Variants in SLC25A26 observed in about 807,000 individuals in gnomAD.
The protein encoded by SLC25A26 is solute carrier family 25 member 26.
SLC25A26 carries 36 observed loss-of-function variants against 37.8 expected under a neutral mutation model. That is an observed-to-expected ratio of 0.95 (90% CI 0.73 to 1.26). SLC25A26 has a LOEUF of 1.26. Ranked by LOEUF, SLC25A26 falls within the 50% of genes most tolerant of loss-of-function variation. The pLI is 0.00. For synonymous variants in SLC25A26, 129 were observed against 122.5 expected (o/e 1.05, Z -0.35); for missense variants, 390 against 331.1 (o/e 1.18, Z -1.38).
chr3:66,192,439 G>A (rs1480855322), intron 1 of SLC25A26, among the ~76,000 whole-genome samples: 15 of 152,012 alleles, frequency 9.9e-5, no homozygotes, highest in Admixed American at 5.9e-4. Context: ...CTCCAGATAC[G>A]GGATCTGCTG....
chr3:66,259,031 C>G (rs1005347933), intron 3 of SLC25A26, among the ~76,000 whole-genome samples: 2 of 152,108 alleles, frequency 1.3e-5, no homozygotes, highest in Non-Finnish European at 2.9e-5. Flanking sequence ...GACCCCTGGA[C>G]GGGAGTGTTT....
chr3:66,156,952 G>A (rs1232971226), intron 1 of SLC25A26, among the ~76,000 whole-genome samples: 2 of 152,092 alleles, frequency 1.3e-5, no homozygotes, highest in African/African-American at 4.8e-5. Context: ...ACAACAACTG[G>A]CCGGGCATGG....
chr3:66,224,262 A>G (rs1298391345), intron 1 of SLC25A26, among the ~76,000 whole-genome samples: 1 of 152,234 alleles, frequency 6.6e-6, no homozygotes, highest in Non-Finnish European at 1.5e-5. Context: ...CTGCTAACAA[A>G]GATACCTGAG....
intron 1 of SLC25A26, among the ~76,000 whole-genome samples, chr3:66,174,743 G>A (rs1278130301): frequency 1.3e-5 from 2 of 149,896 alleles, no homozygotes; most frequent in African/African-American, 4.9e-5. Flanking sequence ...CCGAGATCGC[G>A]CCACTGCACT....
At chr3:66,144,233 A>T (rs1296704737) in intron 1 of SLC25A26, among the ~76,000 whole-genome samples, 1 of 152,178 alleles carries the variant, frequency 6.6e-6, no homozygotes, top group Non-Finnish European at 1.5e-5. Flanking sequence ...CAAGACTGCA[A>T]GCCTGCAAGT....
intron 2 of SLC25A26, among the ~76,000 whole-genome samples, chr3:66,240,564 A>G (rs547745101): frequency 2.0e-5 from 3 of 152,288 alleles, no homozygotes; most frequent in East Asian, 3.9e-4. Context: ...GATGTGGGCC[A>G]CTGTGCCTGG....
At chr3:66,318,290 A>G (rs2075595583) in intron 5 of SLC25A26, among the ~76,000 whole-genome samples, 1 of 152,124 alleles carries the variant, frequency 6.6e-6, no homozygotes, top group Non-Finnish European at 1.5e-5. Context: ...CTTAGGACCC[A>G]AGGCCCTGGA....
intron 5 of SLC25A26, among the ~76,000 whole-genome samples, chr3:66,271,366 C>G (rs1187285503): frequency 2.0e-5 from 3 of 152,114 alleles, no homozygotes; most frequent in Non-Finnish European, 2.9e-5. Flanking sequence ...AGAATCCAGT[C>G]TCTTTCATTT....
At chr3:66,295,429 A>G (rs7635339) in intron 5 of SLC25A26, among the ~76,000 whole-genome samples, 1,413 of 118,546 alleles carry the variant, frequency 0.012, 33 homozygotes, top group African/African-American at 0.044. Context: ...TTTGAGATGG[A>G]GTCTCGCTCT....
chr3:66,362,312 G>A (rs1474179683), intron 6 of SLC25A26, among the ~76,000 whole-genome samples: 1 of 152,156 alleles, frequency 6.6e-6, no homozygotes, highest in Admixed American at 6.5e-5. Flanking sequence ...AGGTAAATGC[G>A]TAAATCACGG....
intron 1 of SLC25A26, among the ~76,000 whole-genome samples, chr3:66,183,632 C>G (rs1015916466): frequency 1.3e-5 from 2 of 152,078 alleles, no homozygotes; most frequent in African/African-American, 4.8e-5. Flanking sequence ...CACAATTACT[C>G]AGATCCTGAA....
chr3:66,211,017 C>T (rs1282737871), intron 1 of SLC25A26, among the ~76,000 whole-genome samples: 2 of 152,312 alleles, frequency 1.3e-5, no homozygotes, highest in East Asian at 3.9e-4. Flanking sequence ...ACCTGCATGG[C>T]ACATTACTGG....
At chr3:66,359,506 C>T (rs1441509563) in intron 6 of SLC25A26, among the ~76,000 whole-genome samples, 1 of 152,176 alleles carries the variant, frequency 6.6e-6, no homozygotes, top group Non-Finnish European at 1.5e-5. Flanking sequence ...GCCTTCTACT[C>T]TTTGGAACAT....
intron 9 of SLC25A26, 127 bp from the exon 10 acceptor site, chr3:66,377,563 G>A (rs1020359204): frequency 8.5e-5 from 56 of 661,592 alleles, no homozygotes; most frequent in Middle Eastern, 3.7e-4. Context: ...ATTTGGGAGC[G>A]TTCACAAGCT....
At chr3:66,291,405 T>C (rs2074702599) in intron 5 of SLC25A26, among the ~76,000 whole-genome samples, 1 of 152,212 alleles carries the variant, frequency 6.6e-6, no homozygotes, top group South Asian at 2.1e-4. Context: ...AGCATGTCTA[T>C]TTTAGATCTT....
chr3:66,168,402 C>T (rs1230983613), intron 1 of SLC25A26, among the ~76,000 whole-genome samples: 1 of 152,034 alleles, frequency 6.6e-6, no homozygotes, highest in Admixed American at 6.5e-5. Flanking sequence ...ATTATAGCAG[C>T]ATTCCTGAAA....
rs1475930796 is a variant in SLC25A26 at position 66,309,705 on chromosome 3, C to G, written c.454-36659C>G. Among the ~76,000 whole-genome samples, 5 of 152,114 alleles carry G rather than the reference C, an allele frequency of 3.3e-5. 1 individual carries two copies. The highest frequency in any genetic ancestry group is 9.7e-5 in the African/African-American group (4 of 41,414). The stretch of plus-strand genomic sequence containing the variant: ...TCCCAGAGATTCTGGTATGTTGTGT[C>G]TTTGTTCTCATTGGTTTCGAAGAGC... On this transcript the variant is annotated intron_variant, in intron 5 of 9. Transcript: ENST00000354883.
intron 3 of SLC25A26, among the ~76,000 whole-genome samples, chr3:66,245,718 TTAAGAA>T (rs1472364435): frequency 6.6e-6 from 1 of 152,186 alleles, no homozygotes; most frequent in Non-Finnish European, 1.5e-5. Flanking sequence ...TATTCCTTGT[TTAAGAA>T]TAAGTGAACT....
intron 6 of SLC25A26, among the ~76,000 whole-genome samples, chr3:66,359,352 A>G (rs1330716882): frequency 6.6e-6 from 1 of 152,198 alleles, no homozygotes; most frequent in Non-Finnish European, 1.5e-5. Flanking sequence ...TTTCTTGACT[A>G]CAATACCTGA....
Sources: allele counts gnomAD v4.1 joint callset (sites outside exome capture counted in the v4.1 genomes callset), GRCh38; gene constraint gnomAD v4.1.1; transcripts MANE v1.5; gene names NCBI Gene and HGNC (gene_info 2026-07-23, HGNC 2026-07-21).